The following IQCJ variants were observed in gnomAD, a reference collection of about 807,000 sequenced individuals.
IQCJ encodes the protein IQ domain-containing protein J.
In IQCJ, 9 loss-of-function variants were observed where a neutral mutation model predicts 11.0. That is an observed-to-expected ratio of 0.82 (90% CI 0.49 to 1.43). IQCJ has a LOEUF of 1.43. IQCJ is among the 40% of genes most tolerant of loss of function. IQCJ has a pLI of 0.00. For missense variants in IQCJ, 146 were observed against 133.2 expected, an observed-to-expected ratio of 1.10 and a Z score of -0.47; for synonymous variants, 55 against 51.3, an observed-to-expected ratio of 1.07 and a Z score of -0.31.
At chr3:159,187,619 T>C (rs1237245506) in intron 1 of IQCJ, among the ~76,000 whole-genome samples, 1 of 152,228 alleles carries the variant, frequency 6.6e-6, no homozygotes, top group Non-Finnish European at 1.5e-5. Context: ...GTCCATGCTG[T>C]AGATGGCAGG....
At chr3:159,142,320 T>C (rs541945906) in intron 1 of IQCJ, among the ~76,000 whole-genome samples, 1 of 152,240 alleles carries the variant, frequency 6.6e-6, no homozygotes, top group Admixed American at 6.5e-5. Context: ...TATAAGATCT[T>C]GTGTTCTTCA....
intron 1 of IQCJ, among the ~76,000 whole-genome samples, chr3:159,101,895 G>A (rs1361679992): frequency 6.6e-6 from 1 of 152,188 alleles, no homozygotes; most frequent in Non-Finnish European, 1.5e-5. Flanking sequence ...ATCTCCATGA[G>A]CATATACTTC....
rs1577061074 is a variant in IQCJ, at chr3:159,175,265, C to G, written c.10-70578C>G. 3.9e-5 allele frequency among the ~76,000 whole-genome samples: 6 copies of G among 152,142 alleles called. No individual in the cohort carries two copies. In the East Asian group the frequency reaches 1.2e-3, roughly 29 times the overall value. ...AGCAGGTGGATCACTTGAGCCCAGG[C>G]ATTCAAGACTAGCCTGGCAACATGG... On this transcript the variant is annotated intron_variant, in intron 1 of 3. Coordinates refer to ENST00000397832, the MANE Select transcript of IQCJ (RefSeq NM_001042706.3).
At chr3:159,147,207 C>T (rs1329794765) in intron 1 of IQCJ, among the ~76,000 whole-genome samples, 1 of 152,162 alleles carries the variant, frequency 6.6e-6, no homozygotes, top group African/African-American at 2.4e-5. Flanking sequence ...GGAGAATAGA[C>T]AGAAGCATTT....
chr3:159,257,772 G>A (rs745567705), intron 3 of IQCJ, among the ~76,000 whole-genome samples: 2 of 152,218 alleles, frequency 1.3e-5, no homozygotes, highest in Non-Finnish European at 2.9e-5. Flanking sequence ...ACTGAAATAA[G>A]TAGGGGTTCT....
At chr3:159,141,749 A>T (rs1720617699) in intron 1 of IQCJ, among the ~76,000 whole-genome samples, 1 of 152,200 alleles carries the variant, frequency 6.6e-6, no homozygotes, top group African/African-American at 2.4e-5. Flanking sequence ...TTTCTTCCAA[A>T]TTATGTGAGC....
chr3:159,235,559 C>A (rs1000457539), intron 1 of IQCJ, among the ~76,000 whole-genome samples: 6 of 152,182 alleles, frequency 3.9e-5, no homozygotes, highest in African/African-American at 1.4e-4. Context: ...TTTGCTGGTG[C>A]TTATTCAGAT....
chr3:159,228,956 T>C (rs1726025197), intron 1 of IQCJ, among the ~76,000 whole-genome samples: 1 of 152,242 alleles, frequency 6.6e-6, no homozygotes, highest in African/African-American at 2.4e-5. Context: ...TTGATGTTAC[T>C]AGACATGATG....
At chr3:159,118,511 G>A (rs932879533) in intron 1 of IQCJ, among the ~76,000 whole-genome samples, 1 of 152,146 alleles carries the variant, frequency 6.6e-6, no homozygotes, top group Admixed American at 6.5e-5. Flanking sequence ...AACCTAAAGA[G>A]GTAAAAGTTA....
chr3:159,239,423 T>C (rs1415798838), intron 1 of IQCJ, among the ~76,000 whole-genome samples: 6 of 151,866 alleles, frequency 4.0e-5, no homozygotes, highest in African/African-American at 1.5e-4. Flanking sequence ...CTGGCACAAA[T>C]TGCAAAAATG....
intron 1 of IQCJ, among the ~76,000 whole-genome samples, chr3:159,245,272 G>T (rs577073734): frequency 6.6e-6 from 1 of 152,132 alleles, no homozygotes; most frequent in South Asian, 2.1e-4. Flanking sequence ...TGTTGAGAAA[G>T]TGAATTTGGA....
intron 1 of IQCJ, among the ~76,000 whole-genome samples, chr3:159,104,347 C>A (rs1718115402): frequency 6.6e-6 from 1 of 152,184 alleles, no homozygotes; most frequent in Non-Finnish European, 1.5e-5. Context: ...AATGATAACA[C>A]TCATCCCTCT....
rs777603661 is a variant in IQCJ, at chr3:159,069,416, G to A, written c.-17G>A. The stretch of plus-strand genomic sequence containing the variant: ...ATCCAGTCTCCTTTCACCTGCAGGT[G>A]TTCCAGAAACTTCAAAATGCGTCTG... On this transcript the variant is annotated 5_prime_UTR_variant, in exon 1 of 4. Coordinates refer to ENST00000397832, the MANE Select transcript of IQCJ (RefSeq NM_001042706.3). The A allele has an allele frequency of 6.2e-7, 1 of 1,609,190 alleles. No homozygotes were observed. The highest frequency in any genetic ancestry group is 8.5e-7 in the Non-Finnish European group (1 of 1,177,942).
chr3:159,170,743 AC>A (rs1245011206), intron 1 of IQCJ, among the ~76,000 whole-genome samples: 11 of 152,080 alleles, frequency 7.2e-5, no homozygotes, highest in Non-Finnish European at 1.5e-4. Flanking sequence ...GCCACGGGCA[AC>A]AAAAGTGGGA....
rs534423155 is a variant in IQCJ at position 159,140,347 on chromosome 3, C to T, written c.9+70906C>T. On this transcript the variant is annotated intron_variant, in intron 1 of 3. Coordinates refer to ENST00000397832, the MANE Select transcript of IQCJ (RefSeq NM_001042706.3). ...TGACTCTTCCTTGTGACTTCAGCTG[C>T]CCCAGTAACCCCTGGAGAAGGAAAA... Among the ~76,000 whole-genome samples, 13 of 152,262 alleles carry T rather than the reference C, an allele frequency of 8.5e-5. No individual in the cohort carries two copies. The East Asian group carries it at 1.7e-3, about 20-fold the overall frequency.
At chr3:159,129,531 C>A (rs1228698279) in intron 1 of IQCJ, among the ~76,000 whole-genome samples, 2 of 151,988 alleles carry the variant, frequency 1.3e-5, no homozygotes, top group African/African-American at 2.4e-5. Flanking sequence ...GTGGTAGAAG[C>A]TCAAAAAAGC....
At chr3:159,219,810 A>G (rs1725434917) in intron 1 of IQCJ, among the ~76,000 whole-genome samples, 1 of 152,118 alleles carries the variant, frequency 6.6e-6, no homozygotes, top group African/African-American at 2.4e-5. Flanking sequence ...TCAGCTGGAA[A>G]GACCTCGTAA....
chr3:159,243,690 A>G (rs963907353), intron 1 of IQCJ, among the ~76,000 whole-genome samples: 2 of 152,178 alleles, frequency 1.3e-5, no homozygotes, highest in African/African-American at 4.8e-5. Context: ...GACTCTACCA[A>G]TGGAAGCATT....
At chr3:159,096,332 G>C (rs1717752147) in intron 1 of IQCJ, among the ~76,000 whole-genome samples, 1 of 150,350 alleles carries the variant, frequency 6.7e-6, no homozygotes. Flanking sequence ...TCACTCTGAT[G>C]GTAGTTTCTT....
Sources: allele counts gnomAD v4.1 joint callset (sites outside exome capture counted in the v4.1 genomes callset), GRCh38; gene constraint gnomAD v4.1.1; transcripts MANE v1.5; gene names NCBI Gene and HGNC (gene_info 2026-07-23, HGNC 2026-07-21).